FAM53B: variants seen among roughly 807,000 people sequenced by gnomAD.
FAM53B encodes the protein family with sequence similarity 53 member B, also known as protein FAM53B.
Under a neutral mutation model 32.7 loss-of-function variants are expected in FAM53B, and 12 were observed. The observed-to-expected ratio is 0.37, with a 90% CI of 0.24 to 0.59. The LOEUF is 0.59. FAM53B is among the 20% of genes least tolerant of loss of function. The pLI is 0.72. For missense variants in FAM53B, 477 were observed against 577.7 expected, an observed-to-expected ratio of 0.83 and a Z score of 1.79; for synonymous variants, 234 against 228.7, an observed-to-expected ratio of 1.02 and a Z score of -0.21.
intron 4 of FAM53B, among the ~76,000 whole-genome samples, chr10:124,667,030 C>A (rs1183445466): frequency 6.6e-6 from 1 of 152,132 alleles, no homozygotes; most frequent in Admixed American, 6.5e-5. Context: ...AAGGCTGACC[C>A]CCAACCCCCC....
chr10:124,682,097 G>A lies in FAM53B; in HGVS notation c.416C>T (p.Thr139Ile), dbSNP rs754299499. The change falls in exon 4 of 5, where the codon ACT becomes ATT. Residue 139 changes from threonine to isoleucine, a missense_variant. Around this residue, in one of 2 missense-constraint regions of FAM53B, gnomAD observed 312 missense variants for 420.2 expected, o/e 0.74. Coordinates refer to ENST00000337318, the MANE Select transcript of FAM53B (RefSeq NM_014661.4). The surrounding 1 kb of genome is among the most constrained non-coding windows in gnomAD (Gnocchi z 5.2). The part of the protein sequence containing the change: ...SWRPLGSKVW[T>I]PVEKRRCYSG... ...GTAGCAGCGTCTCTTTTCCACGGGA[G>A]TCCAGACTTTGGAGCCCAAGGGCCT... is the stretch of plus-strand genomic sequence containing the variant. 4.3e-6 allele frequency: 7 copies of A among 1,613,798 alleles called. No homozygotes were observed. The Admixed American group carries it at 6.7e-5, about 15-fold the overall frequency.
At chr10:124,623,851 A>C (rs1949328720) in intron 4 of FAM53B, 2 of 489,124 alleles carry the variant, frequency 4.1e-6, no homozygotes, top group Admixed American at 3.9e-5. Flanking sequence ...TCGGCAAAGC[A>C]CACAAATTTG....
At chr10:124,654,269 A>G (rs1454612389) in intron 4 of FAM53B, among the ~76,000 whole-genome samples, 3 of 152,230 alleles carry the variant, frequency 2.0e-5, no homozygotes, top group African/African-American at 7.2e-5. Context: ...TCAGAAAAAA[A>G]TCTTCAAACA....
At chr10:124,713,806 A>C (rs1950021058) in intron 1 of FAM53B, 1 of 152,172 alleles carries the variant, frequency 6.6e-6, no homozygotes, top group Non-Finnish European at 1.5e-5. Context: ...TCAGATCAAA[A>C]CCTAAACATG....
intron 1 of FAM53B, chr10:124,742,962 G>C (rs1002707270): frequency 6.6e-6 from 1 of 152,258 alleles, no homozygotes; most frequent in Non-Finnish European, 1.5e-5. Context: ...ATCGTCCTAA[G>C]TACAGTACGT....
intron 4 of FAM53B, among the ~76,000 whole-genome samples, chr10:124,673,499 C>G (rs1949719470): frequency 6.6e-6 from 1 of 152,208 alleles, no homozygotes; most frequent in African/African-American, 2.4e-5. Flanking sequence ...TAAGTTAACC[C>G]CGAGCCCTCC....
chr10:124,696,412 G>T (rs1949871478), intron 2 of FAM53B, among the ~76,000 whole-genome samples, 200 bp from the exon 3 acceptor site: 1 of 152,206 alleles, frequency 6.6e-6, no homozygotes, highest in Non-Finnish European at 1.5e-5. Flanking sequence ...AGTCTCTAGT[G>T]AGTTATGGAG....
chr10:124,719,875 C>T (rs751954610), intron 1 of FAM53B, among the ~76,000 whole-genome samples: 3 of 152,052 alleles, frequency 2.0e-5, no homozygotes, highest in Non-Finnish European at 4.4e-5. Flanking sequence ...ATCAAAAAAC[C>T]AACACGGCCG....
At chr10:124,659,300 C>T (rs1022719084) in intron 4 of FAM53B, among the ~76,000 whole-genome samples, 5 of 152,248 alleles carry the variant, frequency 3.3e-5, no homozygotes, top group Admixed American at 2.0e-4. Flanking sequence ...AGAGGAGCCA[C>T]AAGGAGCAGC....
chr10:124,633,759 A>G (rs1020812916), intron 4 of FAM53B, among the ~76,000 whole-genome samples: 17 of 152,220 alleles, frequency 1.1e-4, no homozygotes, highest in Admixed American at 2.6e-4. Context: ...TGCTGGCTCC[A>G]TACTCACACC....
At chr10:124,712,810 T>G (rs999741674) in intron 1 of FAM53B, among the ~76,000 whole-genome samples, 2 of 152,186 alleles carry the variant, frequency 1.3e-5, no homozygotes, top group Non-Finnish European at 2.9e-5. Context: ...ACTCAATGAC[T>G]CATCTTCACC....
intron 4 of FAM53B, among the ~76,000 whole-genome samples, chr10:124,638,829 T>G (rs1024980996): frequency 6.6e-6 from 1 of 152,180 alleles, no homozygotes; most frequent in Admixed American, 6.5e-5. Context: ...ACATGCCCGC[T>G]GGTGGTGGGT....
intron 4 of FAM53B, among the ~76,000 whole-genome samples, chr10:124,652,791 C>G (rs1216364802): frequency 6.6e-6 from 1 of 152,114 alleles, no homozygotes; most frequent in Non-Finnish European, 1.5e-5. Context: ...AGCAAGAGTA[C>G]CCAGGGAACG....
At chr10:124,656,127 C>T (rs1182773558) in intron 4 of FAM53B, among the ~76,000 whole-genome samples, 3 of 152,232 alleles carry the variant, frequency 2.0e-5, no homozygotes, top group Admixed American at 2.0e-4. Context: ...AACATGGGTC[C>T]TTTATGAGTA....
chr10:124,632,232 G>T (rs929826121), intron 4 of FAM53B, among the ~76,000 whole-genome samples: 59 of 152,270 alleles, frequency 3.9e-4, no homozygotes, highest in African/African-American at 1.4e-3. Flanking sequence ...AGAAGGTGTG[G>T]GAGCTGACGC....
At chr10:124,664,976 C>T (rs1949659815) in intron 4 of FAM53B, among the ~76,000 whole-genome samples, 1 of 152,338 alleles carries the variant, frequency 6.6e-6, no homozygotes, top group East Asian at 1.9e-4. Context: ...GACAAAGCTC[C>T]TTTTTCCCTG....
intron 4 of FAM53B, among the ~76,000 whole-genome samples, chr10:124,662,461 C>CCCACCCAT (rs1949639278): frequency 1.7e-5 from 2 of 119,830 alleles, no homozygotes; most frequent in African/African-American, 5.8e-5. Context: ...CACCCACCCA[C>CCCACCCAT]CCATCCATCC....
At chr10:124,655,435 C>G (rs1241000381) in intron 4 of FAM53B, among the ~76,000 whole-genome samples, 1 of 152,084 alleles carries the variant, frequency 6.6e-6, no homozygotes, top group East Asian at 1.9e-4. Flanking sequence ...CCTTGGCTTT[C>G]CCCACCAAGA....
Position 124,623,034 on chromosome 10 carries a change from C to T in FAM53B, c.*208G>A, listed in dbSNP as rs991322619. On this transcript the variant is annotated 3_prime_UTR_variant, in exon 5 of 5. Coordinates refer to ENST00000337318, the MANE Select transcript of FAM53B (RefSeq NM_014661.4). ...CTGGTGGCTGCCACGCTCGGGGAGC[C>T]GGTGAGAGGCTGACACACCCGCTGT... 36 of 593,576 alleles carry T rather than the reference C, an allele frequency of 6.1e-5. No homozygotes were observed. The highest frequency in any genetic ancestry group is 4.6e-4 in the Middle Eastern group (1 of 2,162). 36.8% of individuals were successfully genotyped at this position (593,576 alleles called of 1,614,324 possible). A position where few individuals can be genotyped will look rare whatever the true frequency, so the allele number is the denominator to read the frequency against.
Sources: allele counts gnomAD v4.1 joint callset (sites outside exome capture counted in the v4.1 genomes callset), GRCh38; gene constraint gnomAD v4.1.1; regional missense constraint gnomAD v4.1.1; non-coding constraint Gnocchi (gnomAD v3.1); transcripts MANE v1.5; gene names NCBI Gene and HGNC (gene_info 2026-07-23, HGNC 2026-07-21).